ANKRD30A: variants seen among roughly 807,000 people sequenced by gnomAD.
ANKRD30A encodes ankyrin repeat domain 30A.
A neutral mutation model predicts 166.3 loss-of-function variants in ANKRD30A; 170 were observed. That is an observed-to-expected ratio of 1.02 (90% CI 0.90 to 1.16). The LOEUF (loss-of-function observed/expected upper bound fraction) is 1.16. ANKRD30A is among the 50% of genes most tolerant of loss of function. ANKRD30A has a pLI of 0.00. For synonymous variants in ANKRD30A, 564 were observed against 508.9 expected, an observed-to-expected ratio of 1.11 and a Z score of -1.46; for missense variants, 1,630 against 1,518.0, an observed-to-expected ratio of 1.07 and a Z score of -1.23.
chr10:37,197,352 T>C, intron 28 of ANKRD30A, 43 bp downstream of exon 28: 3 of 1,613,016 alleles, frequency 1.9e-6, no homozygotes, highest in Non-Finnish European at 1.7e-6. Context: ...TTATTAACTA[T>C]GTATTTTGTG....
At chr10:37,198,812 A>G (rs1367119679) in intron 29 of ANKRD30A, among the ~76,000 whole-genome samples, 1 of 152,110 alleles carries the variant, frequency 6.6e-6, no homozygotes, top group East Asian at 1.9e-4. Context: ...TAATGATGAA[A>G]TGGTCTTTTA....
intron 31 of ANKRD30A, 141 bp from the exon 32 acceptor site, chr10:37,216,040 C>A: frequency 1.9e-4 from 71 of 370,630 alleles, no homozygotes; most frequent in Non-Finnish European, 2.0e-4. Context: ...TCTGTTTAAT[C>A]TGCAGAGCTT....
At chr10:37,211,965 A>AC (rs1842347222) in intron 31 of ANKRD30A, among the ~76,000 whole-genome samples, 1 of 151,790 alleles carries the variant, frequency 6.6e-6, no homozygotes, top group Non-Finnish European at 1.5e-5. Context: ...TCCTTTGCCC[A>AC]ATTTTTGATG....
intron 8 of ANKRD30A, 140 bp downstream of exon 8, chr10:37,145,196 G>A: frequency 3.1e-6 from 2 of 637,214 alleles, no homozygotes; most frequent in Admixed American, 3.6e-5. Flanking sequence ...AACATACTTG[G>A]CTGGGCACGG....
chr10:37,167,477 A>G (rs1181490557), intron 19 of ANKRD30A, among the ~76,000 whole-genome samples: 2 of 151,622 alleles, frequency 1.3e-5, no homozygotes, highest in Non-Finnish European at 2.9e-5. Context: ...TGAAAACCAT[A>G]AAACTCTGAA....
intron 31 of ANKRD30A, among the ~76,000 whole-genome samples, chr10:37,211,738 A>G (rs1842333236): frequency 2.0e-5 from 3 of 152,146 alleles, no homozygotes; most frequent in Non-Finnish European, 4.4e-5. Context: ...GAACTAATTT[A>G]CAGTCCCACC....
In ANKRD30A at chr10:37,166,630, A is replaced by G. The variant is rs762581572; in HGVS notation, c.2090A>G (p.Lys697Arg). The G allele has an allele frequency of 3.3e-5, 52 of 1,597,356 alleles. No homozygotes were observed. The highest frequency in any genetic ancestry group is 2.3e-4 in the Middle Eastern group (1 of 4,388). Residue 697 changes from lysine to arginine, a missense_variant, in exon 19 of 36, where the codon AAG becomes AGG. By Grantham distance (26) the Lys-to-Arg change is conservative. Around this residue, in one of 4 missense-constraint regions of ANKRD30A, gnomAD observed 12 missense variants for 27.4 expected, o/e 0.44. Coordinates refer to ENST00000361713, the MANE Select transcript of ANKRD30A (RefSeq NM_052997.3). The part of the protein sequence containing the change: ...TESLCETVSQ[K>R]DVCLPKAAHQ... ...AGTCTCTGTGAGACTGTTTCACAGAAGGATGTGTGTTTACCCAAGGCTGCG... is the reference window on the plus strand; with the variant it reads ...AGTCTCTGTGAGACTGTTTCACAGAGGGATGTGTGTTTACCCAAGGCTGCG...
chr10:37,228,265 A>G, intron 34 of ANKRD30A, among the ~76,000 whole-genome samples: 1 of 152,038 alleles, frequency 6.6e-6, no homozygotes, highest in Non-Finnish European at 1.5e-5. Flanking sequence ...TATGATATGA[A>G]GAAGCATTGT....
chr10:37,143,061 C>A (rs1355371997), intron 7 of ANKRD30A, among the ~76,000 whole-genome samples: 1 of 129,390 alleles, frequency 7.7e-6, no homozygotes, highest in Admixed American at 7.9e-5. Context: ...CACCACATGC[C>A]CATATCTAAA....
chr10:37,197,161 C>T, intron 27 of ANKRD30A, 120 bp from the exon 28 acceptor site: 1 of 1,391,648 alleles, frequency 7.2e-7, no homozygotes, highest in South Asian at 1.2e-5. Flanking sequence ...CTTTCCAAAT[C>T]TAAAGTATTC....
At chr10:37,216,938 G>T (rs1203563800) in intron 32 of ANKRD30A, among the ~76,000 whole-genome samples, 8 of 150,930 alleles carry the variant, frequency 5.3e-5, no homozygotes, top group African/African-American at 1.9e-4. Context: ...TAATCTTAAT[G>T]TGCATGGAAT....
At position 37,142,179 on chromosome 10, in the gene ANKRD30A, A is replaced by G. The variant is rs745821773; in HGVS notation, c.1282A>G (p.Thr428Ala). 1.2e-6 allele frequency: 2 copies of G among 1,613,988 alleles called. No homozygotes were observed. The highest frequency in any genetic ancestry group is 2.2e-5 in the East Asian group (1 of 44,882). ...GGAGAAAAAAGAAACACCTGTAAAG[A>G]CTGGATGCGTGGCAAGAGTAACATC... ...AWEKKETPVKTGCVARVTSNK... is the reference protein window; with the variant it reads ...AWEKKETPVKAGCVARVTSNK... Residue 428 changes from threonine (T) to alanine (A), a missense_variant, in exon 7 of 36, where the codon ACT (threonine) becomes GCT (alanine). Physicochemically the swap from Thr to Ala is moderately conservative, Grantham distance 58 (BLOSUM62 0). Transcript: ENST00000361713.
intron 31 of ANKRD30A, 66 bp downstream of exon 31, chr10:37,201,391 T>C (rs1354204740): frequency 8.1e-7 from 1 of 1,236,334 alleles, no homozygotes; most frequent in Non-Finnish European, 1.1e-6. Context: ...TGAGGAAGGA[T>C]ATGCTCTAAT....
chr10:37,241,911 A>G, the ANKRD30A span: 2 of 152,298 alleles, frequency 1.3e-5, no homozygotes, highest in East Asian at 1.9e-4. Context: ...TTGAGAGTAA[A>G]TTGCTGACGC....
intron 34 of ANKRD30A, among the ~76,000 whole-genome samples, chr10:37,230,319 A>G (rs1843362356): frequency 6.6e-6 from 1 of 152,066 alleles, no homozygotes; most frequent in Non-Finnish European, 1.5e-5. Context: ...GGTTCACAAC[A>G]TCAGTGGGAA....
chr10:37,196,970 T>G (rs952916758), intron 27 of ANKRD30A, among the ~76,000 whole-genome samples: 1 of 152,184 alleles, frequency 6.6e-6, no homozygotes, highest in African/African-American at 2.4e-5. Context: ...TGTGTTTCAT[T>G]AAGTACGTGG....
chr10:37,129,130 A>G (rs1169881344), intron 1 of ANKRD30A, among the ~76,000 whole-genome samples: 1 of 152,148 alleles, frequency 6.6e-6, no homozygotes, highest in Non-Finnish European at 1.5e-5. Context: ...TTAAAAGCTA[A>G]CATTTCTTTC....
chr10:37,140,023 A>G (rs752472363), intron 6 of ANKRD30A, among the ~76,000 whole-genome samples: 1 of 152,194 alleles, frequency 6.6e-6, no homozygotes, highest in Non-Finnish European at 1.5e-5. Context: ...TTTCTATTTT[A>G]TATGTACTAT....
At chr10:37,229,867 C>T (rs909686888) in intron 34 of ANKRD30A, among the ~76,000 whole-genome samples, 6 of 151,664 alleles carry the variant, frequency 4.0e-5, no homozygotes, top group African/African-American at 1.5e-4. Context: ...TATTTTAATA[C>T]AGGCATCAGA....
Sources: allele counts gnomAD v4.1 joint callset (sites outside exome capture counted in the v4.1 genomes callset), GRCh38; gene constraint gnomAD v4.1.1; regional missense constraint gnomAD v4.1.1; transcripts MANE v1.5; gene names NCBI Gene and HGNC (gene_info 2026-07-23, HGNC 2026-07-21).